HIVEP3: variants seen among roughly 807,000 people sequenced by gnomAD.
The protein encoded by HIVEP3 is transcription factor HIVEP3.
In HIVEP3, 49 loss-of-function variants were observed where a neutral mutation model predicts 152.8. The ratio of observed to expected loss-of-function variants is 0.32; its 90% CI spans 0.26 to 0.41. HIVEP3 has a LOEUF of 0.41. Among genes scored for constraint, HIVEP3 ranks in the 10% least tolerant of loss-of-function variants. HIVEP3 has a pLI of 1.00. For missense variants in HIVEP3, 2,790 were observed against 3,103.3 expected, an observed-to-expected ratio of 0.90 and a Z score of 2.40; for synonymous variants, 1,269 against 1,289.0, an observed-to-expected ratio of 0.98 and a Z score of 0.33.
At chr1:41,539,595 A>G (rs999497691) in intron 5 of HIVEP3, among the ~76,000 whole-genome samples, 12 of 152,142 alleles carry the variant, frequency 7.9e-5, no homozygotes, top group Non-Finnish European at 1.8e-4. Context: ...GTCACTAACT[A>G]GACCCTGAAG....
chr1:41,929,063 A>G (rs1644982674), intron 1 of HIVEP3, among the ~76,000 whole-genome samples: 1 of 152,134 alleles, frequency 6.6e-6, no homozygotes, highest in Non-Finnish European at 1.5e-5. Flanking sequence ...GACTATGCAC[A>G]CACCATGTTT....
chr1:41,579,248 A>C (rs574363476), intron 4 of HIVEP3, among the ~76,000 whole-genome samples: 3 of 152,208 alleles, frequency 2.0e-5, no homozygotes, highest in Non-Finnish European at 4.4e-5. Context: ...CAAATTCTAG[A>C]ATCTTGGAAA....
chr1:41,746,079 C>T (rs528456194), intron 1 of HIVEP3, among the ~76,000 whole-genome samples: 1 of 152,232 alleles, frequency 6.6e-6, no homozygotes, highest in African/African-American at 2.4e-5. Context: ...AGTGCCTCCA[C>T]CACCCTTTTG....
intron 5 of HIVEP3, among the ~76,000 whole-genome samples, chr1:41,540,574 C>A (rs1209510092): frequency 6.6e-6 from 1 of 152,172 alleles, no homozygotes; most frequent in Non-Finnish European, 1.5e-5. Flanking sequence ...CACCTTCTTA[C>A]CCCATACCCC....
intron 1 of HIVEP3, among the ~76,000 whole-genome samples, chr1:41,849,352 G>T (rs1382082525): frequency 6.6e-6 from 1 of 152,220 alleles, no homozygotes; most frequent in East Asian, 1.9e-4. Flanking sequence ...CTTTAAAAAT[G>T]TGTGGAAACT....
intron 1 of HIVEP3, among the ~76,000 whole-genome samples, chr1:41,833,612 A>T (rs138752106): frequency 2.6e-5 from 4 of 152,162 alleles, no homozygotes; most frequent in African/African-American, 2.4e-5. Flanking sequence ...TGTAATTACC[A>T]TTATAAAAGC....
chr1:41,539,043 T>TA (rs1643467233), intron 5 of HIVEP3, among the ~76,000 whole-genome samples: 1 of 152,142 alleles, frequency 6.6e-6, no homozygotes, highest in Non-Finnish European at 1.5e-5. Flanking sequence ...CTGAACTTTG[T>TA]AAAAAGGAGT....
chr1:41,590,166 A>G (rs1443087715), intron 3 of HIVEP3, among the ~76,000 whole-genome samples: 1 of 152,240 alleles, frequency 6.6e-6, no homozygotes, highest in Non-Finnish European at 1.5e-5. Flanking sequence ...ATATAAGCAT[A>G]TGGGTCTGGA....
chr1:41,525,196 G>A (rs941970), intron 5 of HIVEP3, among the ~76,000 whole-genome samples: 56,956 of 152,082 alleles, frequency 0.37, 11,921 homozygotes, highest in Non-Finnish European at 0.48. Flanking sequence ...GCTGCAGGGT[G>A]CCAGACAGCC....
intron 3 of HIVEP3, among the ~76,000 whole-genome samples, chr1:41,596,106 G>A (rs1048671464): frequency 6.6e-6 from 1 of 152,146 alleles, no homozygotes; most frequent in Non-Finnish European, 1.5e-5. Flanking sequence ...GATGGCTTCT[G>A]GACACTGGGA....
At chr1:41,811,613 C>T (rs767570092) in intron 1 of HIVEP3, among the ~76,000 whole-genome samples, 6 of 151,798 alleles carry the variant, frequency 4.0e-5, no homozygotes, top group Admixed American at 6.6e-5. Flanking sequence ...TGGTTAGTGA[C>T]GGGCCCAGAG....
intron 1 of HIVEP3, among the ~76,000 whole-genome samples, chr1:41,801,231 T>A (rs1650284665): frequency 6.6e-6 from 1 of 152,118 alleles, no homozygotes; most frequent in Admixed American, 6.5e-5. Flanking sequence ...ATTATTAAGG[T>A]TGAGGGAGTA....
intron 1 of HIVEP3, among the ~76,000 whole-genome samples, chr1:41,924,040 A>G (rs772982064): frequency 1.3e-5 from 2 of 152,160 alleles, no homozygotes; most frequent in Non-Finnish European, 2.9e-5. Flanking sequence ...TATATGGCAA[A>G]AGATGTGACT....
intron 1 of HIVEP3, among the ~76,000 whole-genome samples, chr1:41,852,873 C>T (rs961436296): frequency 1.3e-5 from 2 of 152,236 alleles, no homozygotes; most frequent in African/African-American, 4.8e-5. Flanking sequence ...CAACTGGCTA[C>T]TAACTACTTA....
At chr1:41,962,960 C>A (rs1292719736) in intron 1 of HIVEP3, among the ~76,000 whole-genome samples, 1 of 152,206 alleles carries the variant, frequency 6.6e-6, no homozygotes, top group Non-Finnish European at 1.5e-5. Flanking sequence ...TAACTAGATG[C>A]CAGTAACACC....
intron 1 of HIVEP3, among the ~76,000 whole-genome samples, chr1:41,935,844 C>G (rs2124482600): frequency 1.3e-5 from 2 of 150,848 alleles, no homozygotes; most frequent in Middle Eastern, 6.8e-3. Flanking sequence ...AATGAGGAAA[C>G]ATAATGTGAT....
chr1:41,643,400 T>C (rs1056925365), intron 2 of HIVEP3, among the ~76,000 whole-genome samples: 16 of 152,242 alleles, frequency 1.1e-4, no homozygotes, highest in African/African-American at 3.6e-4. Context: ...CAAGAACATG[T>C]CCCGTCTGTA....
intron 3 of HIVEP3, among the ~76,000 whole-genome samples, chr1:41,612,221 G>T (rs963320842): frequency 1.3e-5 from 2 of 152,122 alleles, no homozygotes; most frequent in African/African-American, 4.8e-5. Flanking sequence ...TGTCACCACT[G>T]CCAGTTTCTC....
In HIVEP3 at chr1:41,997,394, T is replaced by G. The variant is rs978992088; in HGVS notation, n.119+38413A>C. 3.3e-5 allele frequency among the ~76,000 whole-genome samples: 5 copies of G among 151,976 alleles called. No homozygotes were observed. The East Asian group carries it at 9.6e-4, about 29-fold the overall frequency. On this transcript the variant is annotated intron_variant and non_coding_transcript_variant, in intron 1 of 3. Transcript: ENST00000489103. ...CATTTTTGACTCAGCAACACGAACA[T>G]GAAAAGAGATGGACAGTCCAGCAGA...
Sources: allele counts gnomAD v4.1 joint callset (sites outside exome capture counted in the v4.1 genomes callset), GRCh38; gene constraint gnomAD v4.1.1; transcripts MANE v1.5; gene names NCBI Gene and HGNC (gene_info 2026-07-23, HGNC 2026-07-21).